Variants in GFRAL observed in about 807,000 individuals in gnomAD.
GFRAL encodes GDNF family receptor alpha like.
Under a neutral mutation model 45.4 loss-of-function variants are expected in GFRAL, and 36 were observed. That is an observed-to-expected ratio of 0.79 (90% CI 0.61 to 1.05). The LOEUF is 1.05. GFRAL is among the 50% of genes least tolerant of loss of function. The pLI, the probability that GFRAL is intolerant of heterozygous loss-of-function variation, is 0.00. For missense variants in GFRAL, 507 were observed against 467.5 expected (o/e 1.08, Z -0.78); for synonymous variants, 166 against 154.1 (o/e 1.08, Z -0.57).
At chr6:55,342,593 C>G (rs1459458417) in intron 3 of GFRAL, among the ~76,000 whole-genome samples, 1 of 152,032 alleles carries the variant, frequency 6.6e-6, no homozygotes, top group East Asian at 1.9e-4. Context: ...TAAAGACCAT[C>G]GATGTTAGGA....
chr6:55,361,176 C>G (rs779799652), intron 6 of GFRAL, among the ~76,000 whole-genome samples: 1 of 151,872 alleles, frequency 6.6e-6, no homozygotes, highest in African/African-American at 2.4e-5. Flanking sequence ...GAAGTTTTTG[C>G]TCCAAATATT....
At chr6:55,332,379 G>T (rs2127349675) in intron 2 of GFRAL, among the ~76,000 whole-genome samples, 1 of 151,856 alleles carries the variant, frequency 6.6e-6, no homozygotes. Flanking sequence ...CAAGAGTTGA[G>T]AATGTGAAGA....
At chr6:55,391,126 CAA>C in intron 6 of GFRAL, among the ~76,000 whole-genome samples, 1 of 150,474 alleles carries the variant, frequency 6.6e-6, no homozygotes, top group South Asian at 2.1e-4. Flanking sequence ...AGATTGTAGT[CAA>C]GTTTTTTCTA....
At chr6:55,339,628 G>C (rs999748997) in intron 3 of GFRAL, among the ~76,000 whole-genome samples, 1 of 152,006 alleles carries the variant, frequency 6.6e-6, no homozygotes, top group African/African-American at 2.4e-5. Flanking sequence ...ATGAAAGAGA[G>C]GACATGAAGA....
intron 3 of GFRAL, among the ~76,000 whole-genome samples, chr6:55,337,954 C>T (rs562061270): frequency 1.3e-5 from 2 of 152,264 alleles, no homozygotes; most frequent in East Asian, 3.9e-4. Flanking sequence ...CTCATATAAG[C>T]ATTTAATACT....
In GFRAL at chr6:55,332,440, A is replaced by G. The variant is rs1175276160; in HGVS notation, c.157+591A>G. On this transcript the variant is annotated intron_variant, in intron 2 of 8. Coordinates refer to ENST00000340465, the MANE Select transcript of GFRAL (RefSeq NM_207410.2). ...CTTTTTTCTTTTTTTTTTTATTTTG[A>G]GACTGAATCTTGGTCTGTCGCCAGG... Among the ~76,000 whole-genome samples, 17 of 150,298 alleles carry G rather than the reference A, an allele frequency of 1.1e-4. No homozygotes were observed. The East Asian group carries it at 2.9e-3, about 26-fold the overall frequency.
chr6:55,366,925 G>C (rs1246190012), intron 6 of GFRAL, among the ~76,000 whole-genome samples: 1 of 76,804 alleles, frequency 1.3e-5, no homozygotes, highest in South Asian at 4.9e-4. Flanking sequence ...CTGTTGATTT[G>C]GGGTGGAGAG....
At chr6:55,362,622 C>T (rs1225838199) in intron 6 of GFRAL, among the ~76,000 whole-genome samples, 1 of 152,008 alleles carries the variant, frequency 6.6e-6, no homozygotes, top group African/African-American at 2.4e-5. Context: ...GGTTAAGAGA[C>T]AGAGGACCAT....
At chr6:55,330,421 T>C (rs1420762759) in intron 1 of GFRAL, among the ~76,000 whole-genome samples, 2 of 152,066 alleles carry the variant, frequency 1.3e-5, no homozygotes, top group African/African-American at 4.8e-5. Context: ...AAATCTGTAA[T>C]TGCGGGATCC....
intron 6 of GFRAL, among the ~76,000 whole-genome samples, chr6:55,366,018 C>A (rs1408665730): frequency 6.6e-6 from 1 of 150,834 alleles, no homozygotes; most frequent in Non-Finnish European, 1.5e-5. Flanking sequence ...AGGAATGGTA[C>A]CAGTTCCTCC....
chr6:55,359,477 A>G (rs1426472367), intron 6 of GFRAL, among the ~76,000 whole-genome samples: 1 of 152,052 alleles, frequency 6.6e-6, no homozygotes, highest in African/African-American at 2.4e-5. Context: ...TATCTATACT[A>G]AGTAACAAAA....
chr6:55,378,290 T>A (rs949911066), intron 6 of GFRAL, among the ~76,000 whole-genome samples: 1 of 152,070 alleles, frequency 6.6e-6, no homozygotes, highest in African/African-American at 2.4e-5. Flanking sequence ...CAAATTCATA[T>A]CCAAAGTAAG....
intron 6 of GFRAL, 32 bp downstream of exon 6, chr6:55,359,170 C>T (rs1768239700): frequency 1.3e-6 from 2 of 1,539,570 alleles, no homozygotes; most frequent in Non-Finnish European, 8.9e-7. Context: ...ATCTGTCTAT[C>T]TATCTATCTA....
At position 55,387,054 on chromosome 6, in the gene GFRAL, A is replaced by T. The variant is rs565281230; in HGVS notation, c.953-12126A>T. Among the ~76,000 whole-genome samples, 32 of 152,280 alleles carry T rather than the reference A, an allele frequency of 2.1e-4. 1 individual carries two copies. In the South Asian group the frequency reaches 6.4e-3, roughly 31 times the overall value. On this transcript the variant is annotated intron_variant, in intron 6 of 8. Transcript: ENST00000340465. The stretch of plus-strand genomic sequence containing the variant: ...GGAAAAATCCTTCATTGAACATGAA[A>T]TGTTGTATGAATCATCATTTGACTA...
At chr6:55,399,765 T>C (rs1768872145) in intron 8 of GFRAL, among the ~76,000 whole-genome samples, 1 of 152,176 alleles carries the variant, frequency 6.6e-6, no homozygotes, top group Non-Finnish European at 1.5e-5. Context: ...GCATTTGTTA[T>C]TCAAATCATT....
At chr6:55,327,689 A>G (rs1407945906) in intron 1 of GFRAL, 113 bp downstream of exon 1, 1 of 943,574 alleles carries the variant, frequency 1.1e-6, no homozygotes, top group East Asian at 2.5e-5. Flanking sequence ...AGTACCAAGT[A>G]AATTACAAAT....
At chr6:55,363,102 AT>A (rs1768299573) in intron 6 of GFRAL, among the ~76,000 whole-genome samples, 1 of 147,776 alleles carries the variant, frequency 6.8e-6, no homozygotes, top group African/African-American at 2.5e-5. Flanking sequence ...TGTTTAGTAA[AT>A]TCTACAAGAG....
intron 6 of GFRAL, among the ~76,000 whole-genome samples, chr6:55,376,030 C>A (rs920352005): frequency 2.0e-5 from 3 of 151,964 alleles, no homozygotes; most frequent in Non-Finnish European, 2.9e-5. Flanking sequence ...GAGGTATGTT[C>A]CTTCAATAAC....
intron 1 of GFRAL, among the ~76,000 whole-genome samples, 174 bp from the exon 2 acceptor site, chr6:55,331,541 A>G (rs911516538): frequency 6.6e-6 from 1 of 152,188 alleles, no homozygotes; most frequent in African/African-American, 2.4e-5. Context: ...TTAAGAATCT[A>G]TAAAAAGAAA....
Sources: gnomAD v4.1 joint callset for allele counts (sites outside exome capture counted in the v4.1 genomes callset) on GRCh38, gnomAD v4.1.1 for gene constraint, MANE v1.5 for transcripts, NCBI Gene and HGNC (gene_info 2026-07-23, HGNC 2026-07-21) for gene names.